Variants in TRMT9B observed in about 807,000 individuals in gnomAD.
TRMT9B encodes probable tRNA methyltransferase 9B.
A neutral mutation model predicts 11.5 loss-of-function variants in TRMT9B; 16 were observed. That is an observed-to-expected ratio of 1.39 (90% confidence interval 0.94 to 2.11). TRMT9B has a LOEUF of 2.11. TRMT9B is among the 30% of genes most tolerant of loss of function. The pLI is 0.00. For synonymous variants in TRMT9B, 274 were observed against 192.4 expected, an observed-to-expected ratio of 1.42 and a Z score of -3.51; for missense variants, 941 against 553.8, an observed-to-expected ratio of 1.70 and a Z score of -7.02.
chr8:13,022,198 T>A lies in TRMT9B; in HGVS notation c.*154T>A. 1 of 583,908 alleles carries A rather than the reference T, an allele frequency of 1.7e-6. No homozygotes were observed. Among genetic ancestry groups the A allele is most frequent in the Admixed American group, 3.6e-5 (1 of 27,578 alleles). 36.2% of individuals were successfully genotyped at this position (583,908 alleles called of 1,614,324 possible). A position where few individuals can be genotyped will look rare whatever the true frequency, so the allele number is the denominator to read the frequency against. ...AATTATTTGGTTGTTTTGTTTTCAT[T>A]TTTGAATAAGCACAGATTCTGGCAT... On this transcript the variant is annotated 3_prime_UTR_variant, in exon 5 of 5. Coordinates refer to ENST00000524591, the MANE Select transcript of TRMT9B (RefSeq NM_020844.3).
At chr8:12,986,980 T>C (rs1806422475) in intron 1 of TRMT9B, among the ~76,000 whole-genome samples, 1 of 152,222 alleles carries the variant, frequency 6.6e-6, no homozygotes, top group African/African-American at 2.4e-5. Flanking sequence ...TCATTCTTCT[T>C]GTTGAAATAA....
At chr8:13,020,899 T>C in intron 4 of TRMT9B, 109 bp from the exon 5 acceptor site, 2 of 671,998 alleles carry the variant, frequency 3.0e-6, no homozygotes, top group Non-Finnish European at 4.7e-6. Flanking sequence ...AATAAGAAGG[T>C]TTCATTAGAT....
chr8:13,001,325 C>G (rs150408297), intron 2 of TRMT9B, among the ~76,000 whole-genome samples: 2 of 152,110 alleles, frequency 1.3e-5, no homozygotes, highest in African/African-American at 4.8e-5. Flanking sequence ...CTCAGTGAGG[C>G]GGGGATCCCT....
chr8:12,952,857 A>G lies in TRMT9B; in HGVS notation c.-200+6891A>G, dbSNP rs1014851546. On this transcript the variant is annotated intron_variant, in intron 1 of 4. Transcript: ENST00000524591. The stretch of plus-strand genomic sequence containing the variant: ...CGGGTTCAAGCAATTCCCTTGCGTC[A>G]GTCTTCTGAGTAGCTGGGATTACAG... 8.5e-5 allele frequency among the ~76,000 whole-genome samples: 13 copies of G among 152,122 alleles called. 1 individual carries two copies. The highest frequency in any genetic ancestry group is 2.4e-5 in the African/African-American group (1 of 41,416).
intron 1 of TRMT9B, among the ~76,000 whole-genome samples, chr8:12,977,418 C>A (rs942348973): frequency 2.6e-5 from 4 of 152,100 alleles, no homozygotes; most frequent in African/African-American, 9.7e-5. Context: ...TAAAAATATT[C>A]TTGGCCGGGC....
chr8:13,000,574 A>G (rs1809238428), intron 2 of TRMT9B, among the ~76,000 whole-genome samples: 1 of 152,186 alleles, frequency 6.6e-6, no homozygotes, highest in Admixed American at 6.5e-5. Flanking sequence ...AGTTAGTTGT[A>G]TCTTTGTCTA....
chr8:13,026,062 T>C lies in TRMT9B; in HGVS notation c.*4018T>C, dbSNP rs1367852702. On this transcript the variant is annotated 3_prime_UTR_variant, in exon 5 of 5. Coordinates refer to ENST00000524591, the MANE Select transcript of TRMT9B (RefSeq NM_020844.3). ...GAGAACAGAAGTTCTAACTCAGTACTTGAACTTGGTGGGGGAGGGCACAGG... is the reference window on the plus strand; with the variant it reads ...GAGAACAGAAGTTCTAACTCAGTACCTGAACTTGGTGGGGGAGGGCACAGG... The C allele has an allele frequency of 1.2e-5, 2 of 167,032 alleles. No homozygotes were observed. Among genetic ancestry groups the C allele is most frequent in the African/African-American group, 4.8e-5 (2 of 41,420 alleles). 10.3% of individuals were successfully genotyped at this position (167,032 alleles called of 1,614,324 possible).
intron 3 of TRMT9B, chr8:13,010,576 A>G (rs897670800): frequency 3.0e-6 from 3 of 985,240 alleles, no homozygotes; most frequent in East Asian, 2.3e-4. Context: ...GCAAATCAAG[A>G]GTTCTAGGGC....
At chr8:13,018,910 CA>C (rs1292093214) in intron 4 of TRMT9B, among the ~76,000 whole-genome samples, 2 of 152,144 alleles carry the variant, frequency 1.3e-5, no homozygotes, top group Non-Finnish European at 2.9e-5. Context: ...ACAAGAAGCA[CA>C]AACATGCAGA....
At chr8:12,982,281 G>A (rs1805532139) in intron 1 of TRMT9B, among the ~76,000 whole-genome samples, 1 of 152,188 alleles carries the variant, frequency 6.6e-6, no homozygotes, top group African/African-American at 2.4e-5. Context: ...AGAGGGATAT[G>A]ATGGAGCTGG....
At chr8:12,961,169 T>C (rs1043471507) in intron 1 of TRMT9B, among the ~76,000 whole-genome samples, 1 of 151,770 alleles carries the variant, frequency 6.6e-6, no homozygotes, top group Non-Finnish European at 1.5e-5. Context: ...AAAACTATTC[T>C]GTGTGATATA....
At position 13,022,245 on chromosome 8, in the gene TRMT9B, A is replaced by G; in HGVS notation, c.*201A>G. 1 of 503,114 alleles carries G rather than the reference A, an allele frequency of 2.0e-6. No individual in the cohort carries two copies. Among genetic ancestry groups the G allele is most frequent in the East Asian group, 3.3e-5 (1 of 30,042 alleles). The allele number at this position is 503,114 out of a possible 1,614,324, so 31.2% of individuals were successfully genotyped here. On this transcript the variant is annotated 3_prime_UTR_variant, in exon 5 of 5. Coordinates refer to ENST00000524591, the MANE Select transcript of TRMT9B (RefSeq NM_020844.3). ...GCATTGAAAGCACTTGACAAAGGGT[A>G]TTTGTGCTTAAATGTTAATATACAA...
At position 12,992,886 on chromosome 8, in the gene TRMT9B, A is replaced by G. The variant is rs566368625; in HGVS notation, c.-2+1855A>G. The stretch of plus-strand genomic sequence containing the variant: ...TCCATCTCCAAAAAGTAAAAACTAA[A>G]AATAAGTCCTGGAATGGATGATTTT... On this transcript the variant is annotated intron_variant, in intron 2 of 4. Transcript: ENST00000524591. Among the ~76,000 whole-genome samples, 8 of 152,212 alleles carry G rather than the reference A, an allele frequency of 5.3e-5. No homozygotes were observed. In the East Asian group the frequency reaches 1.5e-3, roughly 29 times the overall value.
chr8:12,982,232 C>T (rs542296277), intron 1 of TRMT9B, among the ~76,000 whole-genome samples: 43 of 152,196 alleles, frequency 2.8e-4, no homozygotes, highest in African/African-American at 9.9e-4. Flanking sequence ...GGACTTAACC[C>T]CAGGCAGAGG....
chr8:12,965,858 C>T (rs1802739937), intron 1 of TRMT9B, among the ~76,000 whole-genome samples: 1 of 148,816 alleles, frequency 6.7e-6, no homozygotes, highest in Admixed American at 6.7e-5. Flanking sequence ...ACTAAATATA[C>T]AAAAATCAGC....
intron 1 of TRMT9B, chr8:12,951,844 C>A (rs1211273163): frequency 6.6e-6 from 1 of 151,800 alleles, no homozygotes; most frequent in East Asian, 1.9e-4. Flanking sequence ...AGCTGGCCTG[C>A]GGCCGCGGCG....
At chr8:13,013,906 A>C (rs2460919) in intron 4 of TRMT9B, among the ~76,000 whole-genome samples, 1 of 152,162 alleles carries the variant, frequency 6.6e-6, no homozygotes, top group African/African-American at 2.4e-5. Context: ...CTGAGATCAC[A>C]CCACTGCACT....
chr8:13,004,377 G>C (rs982586256), intron 2 of TRMT9B, among the ~76,000 whole-genome samples: 1 of 151,712 alleles, frequency 6.6e-6, no homozygotes, highest in Non-Finnish European at 1.5e-5. Context: ...TCCCAACCCA[G>C]GCTGCACAGC....
rs376927989 is a variant in TRMT9B, at chr8:12,993,768, T to C, written c.-2+2737T>C. ...AGTGGCCATGGTACATCTCTTTCACTGTGGCCCCCACTGGGGTACATGCTG... is the reference window on the plus strand; with the variant it reads ...AGTGGCCATGGTACATCTCTTTCACCGTGGCCCCCACTGGGGTACATGCTG... On this transcript the variant is annotated intron_variant, in intron 2 of 4. Coordinates refer to ENST00000524591, the MANE Select transcript of TRMT9B (RefSeq NM_020844.3). Among the ~76,000 whole-genome samples, 122 of 152,358 alleles carry C rather than the reference T, an allele frequency of 8.0e-4. 3 individuals are homozygous for C. In the South Asian group the frequency reaches 0.02, roughly 25 times the overall value.
Sources: gnomAD v4.1 joint callset for allele counts (sites outside exome capture counted in the v4.1 genomes callset) on GRCh38, gnomAD v4.1.1 for gene constraint, MANE v1.5 for transcripts, NCBI Gene and HGNC (gene_info 2026-07-23, HGNC 2026-07-21) for gene names.